The following NPHP3 variants were observed in gnomAD, a reference collection of about 807,000 sequenced individuals.
NPHP3 encodes the protein nephrocystin-3.
NPHP3 carries 123 observed loss-of-function variants against 171.9 expected under a neutral mutation model. The observed-to-expected ratio is 0.72, with a 90% confidence interval of 0.62 to 0.83. NPHP3 has a LOEUF of 0.83. Ranked by LOEUF, NPHP3 falls within the 40% of genes least tolerant of loss-of-function variation. The pLI is 0.00. For synonymous variants in NPHP3, 558 were observed against 579.2 expected (o/e 0.96, Z 0.52); for missense variants, 1,506 against 1,591.9 (o/e 0.95, Z 0.92).
intron 13 of NPHP3, 47 bp downstream of exon 13, chr3:132,699,306 C>T (rs1939541674): frequency 2.3e-6 from 3 of 1,324,716 alleles, no homozygotes; most frequent in Non-Finnish European, 3.3e-6. Flanking sequence ...CTTGTTTGTA[C>T]TTAAAACATT....
At chr3:132,686,590 A>C (rs1939169887) in intron 22 of NPHP3, among the ~76,000 whole-genome samples, 1 of 152,218 alleles carries the variant, frequency 6.6e-6, no homozygotes, top group African/African-American at 2.4e-5. Context: ...TTCATTAAAA[A>C]CTATTTCATG....
intron 1 of NPHP3, chr3:132,721,598 T>C (rs1163612772): frequency 5.3e-6 from 2 of 380,616 alleles, no homozygotes; most frequent in African/African-American, 2.1e-5. Context: ...CTCAGGACAC[T>C]TTCCGGCTAA....
intron 4 of NPHP3, among the ~76,000 whole-genome samples, chr3:132,715,679 C>T (rs1194621128): frequency 6.6e-6 from 1 of 152,084 alleles, no homozygotes; most frequent in Non-Finnish European, 1.5e-5. Flanking sequence ...TCAAAAAGCA[C>T]AATTTTAAAA....
At chr3:132,699,874 T>C (rs766964619) in intron 12 of NPHP3, 44 bp downstream of exon 12, 3 of 1,599,150 alleles carry the variant, frequency 1.9e-6, no homozygotes, top group Admixed American at 1.7e-5. Flanking sequence ...TGAATTTACA[T>C]CTCTTTCTGA....
chr3:132,708,275 A>G lies in NPHP3; in HGVS notation c.1119-18T>C, dbSNP rs765054527. Reference sequence around the variant, plus strand: ...ATAAAAGGCTAGATTGGAAATCAGCATTTTGTGTGCTATACTGCATTGTGG... The same window carrying G: ...ATAAAAGGCTAGATTGGAAATCAGCGTTTTGTGTGCTATACTGCATTGTGG... On this transcript the variant is annotated intron_variant, in intron 6 of 26. Transcript: ENST00000337331. 10 of 1,612,314 alleles carry G rather than the reference A, an allele frequency of 6.2e-6. No individual in the cohort carries two copies. The South Asian group carries it at 1.1e-4, about 18-fold the overall frequency.
At chr3:132,717,050 C>T (rs1940073157) in intron 3 of NPHP3, 141 bp from the exon 4 acceptor site, 1 of 958,844 alleles carries the variant, frequency 1.0e-6, no homozygotes, top group Non-Finnish European at 1.5e-6. Context: ...AATACTTTGC[C>T]ATCGACTTTT....
intron 9 of NPHP3, among the ~76,000 whole-genome samples, chr3:132,701,818 C>A (rs74544994): frequency 6.6e-6 from 1 of 152,060 alleles, no homozygotes; most frequent in East Asian, 1.9e-4. Flanking sequence ...GTCAGGAGAT[C>A]GAGAACATCC....
Position 132,688,721 on chromosome 3 carries a change from A to C in NPHP3, c.3054T>G (p.Ala1018=). 3 of 1,614,170 alleles carry C rather than the reference A, an allele frequency of 1.9e-6. No homozygotes were observed. The highest frequency in any genetic ancestry group is 3.3e-4 in the Middle Eastern group (2 of 6,062). The change falls in exon 21 of 27, where the codon GCT becomes GCG. Residue 1018 remains alanine (A), a synonymous_variant. Transcript: ENST00000337331. ...CAGTATATGGATGGTCCGCACCATA[A>C]GCATTTTCTGAGATTTCCAACGCCT... is the stretch of plus-strand genomic sequence containing the variant. ...YKQALEISEN[A]YGADHPYTAR...
rs1432366479 is a variant in NPHP3, at chr3:132,722,091, C to T, written c.265G>A (p.Ala89Thr). 1 of 1,609,886 alleles carries T rather than the reference C, an allele frequency of 6.2e-7. No individual in the cohort carries two copies. Among genetic ancestry groups the T allele is most frequent in the Non-Finnish European group, 8.5e-7 (1 of 1,179,828 alleles). Reference sequence around the variant, plus strand: ...TCCTTCCTGAGCCGCTCGTACTCGGCCGCCGCGTACTCCAGCTCTGGCACC... The same window carrying T: ...TCCTTCCTGAGCCGCTCGTACTCGGTCGCCGCGTACTCCAGCTCTGGCACC... ...SSVPELEYAAAEYERLRKEYE... is the reference protein window; with the variant it reads ...SSVPELEYAATEYERLRKEYE... The change falls in exon 1 of 27, where the codon GCC becomes ACC. Residue 89 changes from alanine (A) to threonine (T), a missense_variant. Ala to Thr is a moderately conservative substitution (Grantham distance 58, BLOSUM62 0). This residue lies in a region of NPHP3 where 930 missense variants were observed against 924.9 expected (regional missense o/e 1.01). Transcript: ENST00000337331.
In NPHP3 at chr3:132,682,132, C is replaced by G. The variant is rs779332895; in HGVS notation, c.3813-42G>C. On this transcript the variant is annotated intron_variant, in intron 26 of 26. Coordinates refer to ENST00000337331, the MANE Select transcript of NPHP3 (RefSeq NM_153240.5). ...AAAAACTCTTAAAATGAGAATATAA[C>G]CTCTTACCAATTCAAAATGACCTTA... The G allele has an allele frequency of 5.2e-6, 8 of 1,546,686 alleles. No individual in the cohort carries two copies. In the African/African-American group the frequency reaches 9.5e-5, roughly 18 times the overall value.
At chr3:132,682,265 C>T (rs552614999) in intron 26 of NPHP3, 175 bp from the exon 27 acceptor site, 23 of 633,348 alleles carry the variant, frequency 3.6e-5, no homozygotes, top group South Asian at 3.4e-4. Context: ...CTCCTTTCTA[C>T]CAGTATCAGT....
At chr3:132,715,721 T>C (rs947793939) in intron 4 of NPHP3, among the ~76,000 whole-genome samples, 1 of 152,208 alleles carries the variant, frequency 6.6e-6, no homozygotes, top group Non-Finnish European at 1.5e-5. Flanking sequence ...GAGAAATAAT[T>C]GTAGGGTTTT....
intron 6 of NPHP3, chr3:132,712,483 T>C (rs1463552849): frequency 4.4e-6 from 2 of 456,650 alleles, no homozygotes; most frequent in East Asian, 6.9e-5. Flanking sequence ...AATACACGAA[T>C]GGGCCAGGTG....
intron 14 of NPHP3, 42 bp downstream of exon 14, chr3:132,697,218 G>C: frequency 7.9e-7 from 1 of 1,267,716 alleles, no homozygotes; most frequent in Non-Finnish European, 1.2e-6. Context: ...TCATAGGAAA[G>C]ATGAGAGAGT....
In NPHP3 at chr3:132,722,237, AG is replaced by A; in HGVS notation, c.118del (p.Leu40CysfsTer109). 6.4e-7 allele frequency: 1 copy of A among 1,558,580 alleles called. No homozygotes were observed. Among genetic ancestry groups the A allele is most frequent in the South Asian group, 1.2e-5 (1 of 86,796 alleles). ...GCCTCGGCGGAACGAGTTGCGCAGC[AG>A]GCGGGCCTTGGGCTTCACCTCCACC... ...IPVEVKPKAR[L>X]LRNSFRRGAG... On this transcript the variant is annotated frameshift_variant, in exon 1 of 27. Transcript: ENST00000337331. LOFTEE classifies it high-confidence loss of function.
At chr3:132,682,534 T>C (rs1939057227) in intron 26 of NPHP3, 169 bp downstream of exon 26, 1 of 620,296 alleles carries the variant, frequency 1.6e-6, no homozygotes, top group Non-Finnish European at 2.9e-6. Flanking sequence ...TCATGCAGGC[T>C]TCATTTCATT....
At chr3:132,700,239 A>C (rs180732129) in intron 11 of NPHP3, 95 bp downstream of exon 11, 30 of 1,147,250 alleles carry the variant, frequency 2.6e-5, no homozygotes, top group Middle Eastern at 3.9e-4. Context: ...CAGGTGGATA[A>C]TACTGAAAAT....
chr3:132,689,661 C>T (rs1939251049), intron 19 of NPHP3, among the ~76,000 whole-genome samples: 1 of 151,986 alleles, frequency 6.6e-6, no homozygotes, highest in South Asian at 2.1e-4. Flanking sequence ...GAGTTCACTC[C>T]CAAAATTATT....
chr3:132,705,334 G>A (rs1231408038), intron 8 of NPHP3, among the ~76,000 whole-genome samples: 1 of 152,112 alleles, frequency 6.6e-6, no homozygotes, highest in East Asian at 1.9e-4. Context: ...CCCCCCTGGA[G>A]GCATGCTTTC....
Sources: gnomAD v4.1 joint callset for allele counts (sites outside exome capture counted in the v4.1 genomes callset) on GRCh38, gnomAD v4.1.1 for gene constraint, gnomAD v4.1.1 regional missense constraint, MANE v1.5 for transcripts, NCBI Gene and HGNC (gene_info 2026-07-23, HGNC 2026-07-21) for gene names.